IQSEC2: variants seen among roughly 807,000 people sequenced by gnomAD.
IQSEC2 encodes IQ motif and SEC7 domain-containing protein 2.
In IQSEC2, 6 loss-of-function variants were observed where a neutral mutation model predicts 74.6. That is an observed-to-expected ratio of 0.08 (90% CI 0.04 to 0.16). IQSEC2 has a LOEUF of 0.16. Among genes scored for constraint, IQSEC2 ranks in the 10% least tolerant of loss-of-function variants. The pLI, the probability that IQSEC2 is intolerant of heterozygous loss-of-function variation, is 1.00. For missense variants in IQSEC2, 734 were observed against 1,306.2 expected (o/e 0.56, Z 6.75); for synonymous variants, 494 against 544.5 (o/e 0.91, Z 1.29).
At position 53,234,670 on chromosome X, in the gene IQSEC2, G is replaced by A; in HGVS notation, c.4016C>T (p.Pro1339Leu). The change falls in exon 15 of 15, where the codon CCA (proline) becomes CTA (leucine). Residue 1339 changes from proline (P) to leucine (L), a missense_variant. Coordinates refer to ENST00000642864, the MANE Select transcript of IQSEC2 (RefSeq NM_001111125.3). ...PGPQHYTLGR[P>L]GRAPRRGAGG... ...AGCCCCCCGTCTGGGTGCCCTGCCT[G>A]GCCGGCCCAAGGTATAGTGTTGGGG... The A allele has an allele frequency of 8.8e-7, 1 of 1,138,809 alleles. No individual in the cohort carries two copies. Among genetic ancestry groups the A allele is most frequent in the East Asian group, 3.3e-5 (1 of 30,474 alleles). The allele number at this position is 1,138,809 out of a possible 1,213,427, so 93.9% of individuals were successfully genotyped here. A position where few individuals can be genotyped will look rare whatever the true frequency, so the allele number is the denominator to read the frequency against.
At chrX:53,240,417 T>A (rs2074200106) in intron 10 of IQSEC2, among the ~76,000 whole-genome samples, 1 of 112,363 alleles carries the variant, frequency 8.9e-6, no homozygotes, top group Non-Finnish European at 1.9e-5. Flanking sequence ...TGAGAAACCC[T>A]GCTCTAAAGG....
chrX:53,240,415 C>A (rs1187349320), intron 10 of IQSEC2, among the ~76,000 whole-genome samples: 5 of 112,278 alleles, frequency 4.5e-5, no homozygotes, highest in African/African-American at 9.7e-5. Context: ...ACTGAGAAAC[C>A]CTGCTCTAAA....
chrX:53,261,672 A>T (rs1241483494), intron 2 of IQSEC2, among the ~76,000 whole-genome samples: 1 of 109,962 alleles, frequency 9.1e-6, no homozygotes, highest in Admixed American at 9.7e-5. Flanking sequence ...ACACACACTC[A>T]CACACACACA....
intron 1 of IQSEC2, among the ~76,000 whole-genome samples, chrX:53,301,768 T>C (rs1196686855): frequency 1.8e-5 from 2 of 112,183 alleles, no homozygotes; most frequent in Non-Finnish European, 3.8e-5. Flanking sequence ...GGCAAGTCTA[T>C]AGAGCCTTAG....
intron 2 of IQSEC2, among the ~76,000 whole-genome samples, chrX:53,283,007 G>A (rs1317439869): frequency 9.0e-6 from 1 of 111,292 alleles, no homozygotes; most frequent in African/African-American, 3.3e-5. Context: ...CCTGAGCTCA[G>A]GAGTTTGATA....
At chrX:53,274,557 G>T (rs1307883423) in intron 2 of IQSEC2, among the ~76,000 whole-genome samples, 3 of 98,915 alleles carry the variant, frequency 3.0e-5, no homozygotes, top group African/African-American at 1.1e-4. Flanking sequence ...CGCCTCCCGG[G>T]TTCACGCCAT....
intron 1 of IQSEC2, among the ~76,000 whole-genome samples, chrX:53,307,141 C>T (rs1032995896): frequency 9.1e-6 from 1 of 109,912 alleles, no homozygotes; most frequent in Non-Finnish European, 1.9e-5. Flanking sequence ...AAATAAAGTG[C>T]TATTCATTCT....
At position 53,235,828 on chromosome X, in the gene IQSEC2, C is replaced by G. The variant is rs1556859506; in HGVS notation, c.3456G>C (p.Lys1152Asn). The change falls in exon 14 of 15, where the codon AAG (lysine) becomes AAC (asparagine). Residue 1152 changes from lysine (K) to asparagine (N), a missense_variant. By Grantham distance (94) the Lys-to-Asn change is moderately conservative. Around this residue, in one of 12 missense-constraint regions of IQSEC2, gnomAD observed 249 missense variants for 467.9 expected, o/e 0.53. Coordinates refer to ENST00000642864, the MANE Select transcript of IQSEC2 (RefSeq NM_001111125.3). Reference protein sequence around the residue: ...SSLRDLSDAGKRGRRNSVGSL... With the variant: ...SSLRDLSDAGNRGRRNSVGSL... ...ATCCCACGCTGTTACGCCGCCCCCG[C>G]TTCCCTGCACCCACAAGCAAGGAGC... is the stretch of plus-strand genomic sequence containing the variant. 8.6e-7 allele frequency: 1 copy of G among 1,163,787 alleles called. No individual in the cohort carries two copies. The highest frequency in any genetic ancestry group is 3.3e-5 in the East Asian group (1 of 30,687).
At chrX:53,259,333 A>G (rs61319013) in intron 2 of IQSEC2, among the ~76,000 whole-genome samples, 14,094 of 104,921 alleles carry the variant, frequency 0.13, 1,131 homozygotes, top group African/African-American at 0.3. Context: ...GCAAAACCTC[A>G]TCTCTACCAA....
chrX:53,285,782 G>GAGGT (rs2075019895), intron 2 of IQSEC2, among the ~76,000 whole-genome samples: 1 of 112,688 alleles, frequency 8.9e-6, no homozygotes, highest in African/African-American at 3.2e-5. Context: ...GGCCTCTGAG[G>GAGGT]AGGTGATGGG....
chrX:53,306,868 A>G (rs782270861), intron 1 of IQSEC2, among the ~76,000 whole-genome samples: 16 of 111,280 alleles, frequency 1.4e-4, no homozygotes, highest in African/African-American at 4.9e-4. Context: ...GGAGGGAGAC[A>G]GTCAGGCCAG....
intron 2 of IQSEC2, among the ~76,000 whole-genome samples, chrX:53,280,984 T>A (rs1200977972): frequency 8.9e-6 from 1 of 111,999 alleles, no homozygotes; most frequent in Non-Finnish European, 1.9e-5. Flanking sequence ...CAGCTGCGAA[T>A]TTGAGGATGT....
intron 2 of IQSEC2, among the ~76,000 whole-genome samples, chrX:53,282,541 T>TG (rs1216952597): frequency 1.8e-5 from 2 of 112,783 alleles, no homozygotes; most frequent in African/African-American, 6.4e-5. Context: ...AAGGCGGCCC[T>TG]GGGAGGGGCC....
intron 12 of IQSEC2, among the ~76,000 whole-genome samples, chrX:53,236,807 C>G (rs1484857699): frequency 9.0e-6 from 1 of 111,208 alleles, no homozygotes; most frequent in Non-Finnish European, 1.9e-5. Context: ...GACTTCTCCC[C>G]TCCCATGCCC....
chrX:53,274,458 T>TTTC (rs2074793488), intron 2 of IQSEC2, among the ~76,000 whole-genome samples: 1 of 67,131 alleles, frequency 1.5e-5, no homozygotes, highest in African/African-American at 5.3e-5. Flanking sequence ...ATTTCTTTTT[T>TTTC]TTTTTTTTTT....
intron 14 of IQSEC2, 47 bp from the exon 15 acceptor site, chrX:53,235,231 C>G: frequency 8.6e-7 from 1 of 1,159,943 alleles, no homozygotes; most frequent in Non-Finnish European, 1.2e-6. Flanking sequence ...ATGCCCTAAA[C>G]CCCCAGCCCT....
chrX:53,288,739 A>G (rs1556872346), intron 2 of IQSEC2, among the ~76,000 whole-genome samples: 3 of 112,382 alleles, frequency 2.7e-5, no homozygotes, highest in Non-Finnish European at 1.9e-5. Flanking sequence ...AGTCAAGACT[A>G]TTGTTTCCAT....
At chrX:53,263,730 G>A (rs1294958046) in intron 2 of IQSEC2, among the ~76,000 whole-genome samples, 2 of 111,421 alleles carry the variant, frequency 1.8e-5, no homozygotes, top group Non-Finnish European at 3.8e-5. Context: ...CACTCCTGCC[G>A]CTCACGGAAC....
chrX:53,256,100 A>G, intron 2 of IQSEC2, 39 bp from the exon 3 acceptor site: 2 of 1,123,877 alleles, frequency 1.8e-6, no homozygotes, highest in East Asian at 6.1e-5. Context: ...ATGTGGGGAC[A>G]GGACAGGGGC....
Sources: allele counts gnomAD v4.1 joint callset (sites outside exome capture counted in the v4.1 genomes callset), GRCh38; gene constraint gnomAD v4.1.1; regional missense constraint gnomAD v4.1.1; transcripts MANE v1.5; gene names NCBI Gene and HGNC (gene_info 2026-07-23, HGNC 2026-07-21).